Variants in PHKB observed in about 807,000 individuals in gnomAD.
The protein encoded by PHKB is phosphorylase b kinase regulatory subunit beta.
In PHKB, 122 loss-of-function variants were observed where a neutral mutation model predicts 152.1. The ratio of observed to expected loss-of-function variants is 0.80; its 90% confidence interval spans 0.69 to 0.93. The LOEUF is 0.93. PHKB is among the 40% of genes least tolerant of loss of function. The pLI, the probability that PHKB is intolerant of heterozygous loss-of-function variation, is 0.00. For missense variants in PHKB, 1,304 were observed against 1,328.4 expected, an observed-to-expected ratio of 0.98 and a Z score of 0.29; for synonymous variants, 436 against 464.9, an observed-to-expected ratio of 0.94 and a Z score of 0.80.
At chr16:47,648,995 T>C (rs1275730505) in intron 17 of PHKB, 105 bp from the exon 18 acceptor site, 2 of 744,226 alleles carry the variant, frequency 2.7e-6, no homozygotes, top group East Asian at 5.0e-5. Context: ...TATGTGCTTA[T>C]TCAGAATTAG....
intron 7 of PHKB, among the ~76,000 whole-genome samples, chr16:47,551,197 TTG>T (rs909208792): frequency 3.3e-5 from 5 of 152,168 alleles, no homozygotes; most frequent in African/African-American, 1.2e-4. Flanking sequence ...GAAGGGTTTT[TTG>T]TGTCTCTATC....
rs1450528928 is a variant in PHKB, at chr16:47,461,433, C to T, written c.76+7C>T. 6.2e-7 allele frequency: 1 copy of T among 1,612,758 alleles called. No homozygotes were observed. Among genetic ancestry groups the T allele is most frequent in the African/African-American group, 1.3e-5 (1 of 75,038 alleles). ...GCTCGGACCAAGCGCTCAGGTTTGG[C>T]TGGCTGGGGCGCCGCCCCCCACCCG... On this transcript the variant is annotated splice_region_variant and intron_variant, in intron 1 of 30. Coordinates refer to ENST00000323584, the MANE Select transcript of PHKB (RefSeq NM_000293.3).
intron 4 of PHKB, among the ~76,000 whole-genome samples, chr16:47,506,885 G>A (rs897635642): frequency 1.3e-5 from 2 of 152,198 alleles, no homozygotes; most frequent in African/African-American, 4.8e-5. Context: ...GTGCTTGACT[G>A]CATTCAAAGC....
intron 1 of PHKB, among the ~76,000 whole-genome samples, chr16:47,469,563 A>G (rs1054302081): frequency 1.3e-5 from 2 of 152,156 alleles, no homozygotes; most frequent in Admixed American, 6.5e-5. Context: ...ACTCATGGAC[A>G]TAAACATGGC....
chr16:47,675,398 A>G (rs1477887020), intron 26 of PHKB, among the ~76,000 whole-genome samples: 1 of 152,108 alleles, frequency 6.6e-6, no homozygotes, highest in Non-Finnish European at 1.5e-5. Flanking sequence ...TCTCCCCATG[A>G]CATTTGGAGA....
At chr16:47,659,516 A>G (rs1344294598) in intron 20 of PHKB, among the ~76,000 whole-genome samples, 2 of 152,188 alleles carry the variant, frequency 1.3e-5, no homozygotes, top group Non-Finnish European at 2.9e-5. Flanking sequence ...AATGCTAAAA[A>G]CCATTGTAGG....
chr16:47,504,982 CT>C (rs1970387828), intron 4 of PHKB, among the ~76,000 whole-genome samples: 1 of 152,204 alleles, frequency 6.6e-6, no homozygotes, highest in African/African-American at 2.4e-5. Context: ...GTGGAAGTCC[CT>C]AGCAGTCCTG....
At position 47,630,077 on chromosome 16, in the gene PHKB, T is replaced by C. The variant is rs569712784; in HGVS notation, c.1459-10958T>C. 2.0e-5 allele frequency among the ~76,000 whole-genome samples: 3 copies of C among 152,022 alleles called. No individual in the cohort carries two copies. The East Asian group carries it at 5.8e-4, about 29-fold the overall frequency. On this transcript the variant is annotated intron_variant, in intron 14 of 30. Transcript: ENST00000323584. ...AATGGGAGATATACCTAATGCTAGA[T>C]GATGAGTTAGTGGGTGTAGCGCACC...
At chr16:47,498,786 C>T (rs1970275404) in intron 2 of PHKB, among the ~76,000 whole-genome samples, 1 of 152,122 alleles carries the variant, frequency 6.6e-6, no homozygotes, top group Admixed American at 6.5e-5. Flanking sequence ...CCTGTAGACC[C>T]AGCTACTTGG....
chr16:47,621,595 A>G (rs1972618498), intron 14 of PHKB, among the ~76,000 whole-genome samples: 1 of 152,230 alleles, frequency 6.6e-6, no homozygotes, highest in Middle Eastern at 3.2e-3. Context: ...ATTAAAAAAT[A>G]ACAACAACAA....
chr16:47,544,314 C>T (rs557981467), intron 6 of PHKB, among the ~76,000 whole-genome samples: 97 of 152,276 alleles, frequency 6.4e-4, no homozygotes, highest in South Asian at 2.1e-3. Flanking sequence ...TTTCAAAGAA[C>T]ATCTTTATTT....
At chr16:47,688,972 T>C (rs535196166) in intron 26 of PHKB, 69 bp from the exon 27 acceptor site, 141 of 1,556,920 alleles carry the variant, frequency 9.1e-5, no homozygotes, top group Admixed American at 3.3e-4. Context: ...TTAAGGGCAT[T>C]GCTGAGAGAA....
intron 7 of PHKB, among the ~76,000 whole-genome samples, chr16:47,563,126 A>T (rs1971504053): frequency 1.3e-5 from 2 of 151,664 alleles, no homozygotes; most frequent in Non-Finnish European, 2.9e-5. Flanking sequence ...TGAAGTCTTG[A>T]ACTCCTCACG....
At chr16:47,462,820 C>T (rs556694185) in intron 1 of PHKB, 3 of 148,664 alleles carry the variant, frequency 2.0e-5, no homozygotes, top group Non-Finnish European at 3.0e-5. Flanking sequence ...TTTTTTTATA[C>T]CTTACAAAAA....
rs540225446 is a variant in PHKB, at chr16:47,598,924, A to C, written c.1363+2393A>C. ...AAGAACGTCAAGAATCTTTGTGTAC[A>C]ATATTCTTAGCCTCTCATGTGGAGT... On this transcript the variant is annotated intron_variant, in intron 13 of 30. Transcript: ENST00000323584. The C allele has an allele frequency of 1.5e-5, 24 of 1,583,958 alleles. No homozygotes were observed. The East Asian group carries it at 5.4e-4, about 35-fold the overall frequency.
intron 6 of PHKB, among the ~76,000 whole-genome samples, chr16:47,537,872 TTCTCTCTCTC>T (rs34841624): frequency 9.8e-5 from 14 of 143,500 alleles, no homozygotes; most frequent in South Asian, 9.1e-4. Flanking sequence ...ACGTGGAAAA[TTCTCTCTCTC>T]TCTCTCTCTC....
chr16:47,653,149 A>G (rs1450595158), intron 20 of PHKB, among the ~76,000 whole-genome samples: 2 of 152,188 alleles, frequency 1.3e-5, no homozygotes, highest in Non-Finnish European at 2.9e-5. Flanking sequence ...GTCTGCCCAG[A>G]AAGTACATCT....
chr16:47,624,686 A>T (rs1972678448), intron 14 of PHKB, among the ~76,000 whole-genome samples: 1 of 151,830 alleles, frequency 6.6e-6, no homozygotes, highest in South Asian at 2.1e-4. Flanking sequence ...TCTTTCCCTG[A>T]CTGTATTTAA....
chr16:47,465,451 G>A (rs538902913), intron 1 of PHKB, among the ~76,000 whole-genome samples: 1 of 152,278 alleles, frequency 6.6e-6, no homozygotes, highest in African/African-American at 2.4e-5. Context: ...GTATATACAA[G>A]ACGCTTTTCC....
Sources: gnomAD v4.1 joint callset for allele counts (sites outside exome capture counted in the v4.1 genomes callset) on GRCh38, gnomAD v4.1.1 for gene constraint, MANE v1.5 for transcripts, NCBI Gene and HGNC (gene_info 2026-07-23, HGNC 2026-07-21) for gene names.